DRG1: variants seen among roughly 807,000 people sequenced by gnomAD.
DRG1 encodes developmentally regulated GTP binding protein 1.
DRG1 carries 19 observed loss-of-function variants against 38.8 expected under a neutral mutation model. The observed-to-expected ratio is 0.49, with a 90% CI of 0.34 to 0.72. The LOEUF (loss-of-function observed/expected upper bound fraction) is 0.72. Among genes scored for constraint, DRG1 ranks in the 30% least tolerant of loss-of-function variants. DRG1 has a pLI of 0.01. For missense variants in DRG1, 299 were observed against 444.8 expected (o/e 0.67, Z 2.95); for synonymous variants, 167 against 157.5 (o/e 1.06, Z -0.45).
At chr22:31,401,817 GC>G (rs1445590342) in intron 2 of DRG1, among the ~76,000 whole-genome samples, 1 of 152,014 alleles carries the variant, frequency 6.6e-6, no homozygotes, top group Non-Finnish European at 1.5e-5. Context: ...ACTTCGGGAG[GC>G]CGAAGTGGGC....
intron 8 of DRG1, among the ~76,000 whole-genome samples, chr22:31,430,501 G>A (rs2050132931): frequency 1.3e-5 from 2 of 151,346 alleles, no homozygotes; most frequent in South Asian, 2.1e-4. Flanking sequence ...CCGGGTTCAC[G>A]CCATTCTCCT....
At chr22:31,432,961 A>G (rs1419991941) in intron 8 of DRG1, among the ~76,000 whole-genome samples, 1 of 151,844 alleles carries the variant, frequency 6.6e-6, no homozygotes, top group Admixed American at 6.6e-5. Flanking sequence ...TCTGTGAGGC[A>G]GGTCTCGGTG....
rs200183486 is a variant in DRG1 at position 31,426,793 on chromosome 22, G to C, written c.881+11G>C. 1.9e-5 allele frequency: 31 copies of C among 1,613,110 alleles called. No homozygotes were observed. Among genetic ancestry groups the C allele is most frequent in the Non-Finnish European group, 2.5e-5 (30 of 1,179,596 alleles). ...GAAACTAGTGAGAATGTAAGTCTTT[G>C]TGGATAGGGTAATGTTGCTATAGGA... On this transcript the variant is annotated intron_variant, in intron 7 of 8. Coordinates refer to ENST00000331457, the MANE Select transcript of DRG1 (RefSeq NM_004147.4).
chr22:31,403,462 G>C (rs9609277), intron 3 of DRG1, among the ~76,000 whole-genome samples: 34,445 of 151,848 alleles, frequency 0.23, 5,011 homozygotes, highest in East Asian at 0.46. Context: ...GAGGTCGGGA[G>C]TTCGAGACCA....
intron 8 of DRG1, among the ~76,000 whole-genome samples, chr22:31,433,328 C>T (rs1259111947): frequency 7.0e-6 from 1 of 142,674 alleles, no homozygotes; most frequent in African/African-American, 2.6e-5. Context: ...TGGAGTGCAA[C>T]GGCATGATCT....
At position 31,420,244 on chromosome 22, in the gene DRG1, C is replaced by G. The variant is rs1185344042; in HGVS notation, c.413-12C>G. The G allele has an allele frequency of 5.6e-6, 9 of 1,605,212 alleles. No homozygotes were observed. The highest frequency in any genetic ancestry group is 7.7e-6 in the Non-Finnish European group (9 of 1,175,980). On this transcript the variant is annotated splice_polypyrimidine_tract_variant and intron_variant, in intron 4 of 8. Coordinates refer to ENST00000331457, the MANE Select transcript of DRG1 (RefSeq NM_004147.4). ...TGAACTTTCTTGCGTATGTTTTTTT[C>G]TTACTCTTCAGTGGCCCGAACCTGT...
chr22:31,400,997 A>T (rs1388320714), intron 2 of DRG1, among the ~76,000 whole-genome samples: 2 of 151,998 alleles, frequency 1.3e-5, no homozygotes, highest in African/African-American at 4.8e-5. Flanking sequence ...ATGTTCTACT[A>T]AAGTAGATTT....
intron 5 of DRG1, among the ~76,000 whole-genome samples, chr22:31,421,992 G>A (rs1226301676): frequency 6.6e-6 from 1 of 151,918 alleles, no homozygotes; most frequent in Non-Finnish European, 1.5e-5. Flanking sequence ...GCACGCACTT[G>A]TAATCTCAGC....
chr22:31,414,485 T>A (rs1258331663), intron 4 of DRG1, among the ~76,000 whole-genome samples: 1 of 152,132 alleles, frequency 6.6e-6, no homozygotes, highest in Non-Finnish European at 1.5e-5. Flanking sequence ...AAATTCTTGA[T>A]CTCCCATCCT....
At position 31,408,752 on chromosome 22, in the gene DRG1, C is replaced by CAAAA. The variant is rs66474618; in HGVS notation, c.343-2240_343-2237dup. On this transcript the variant is annotated intron_variant, in intron 3 of 8. Coordinates refer to ENST00000331457, the MANE Select transcript of DRG1 (RefSeq NM_004147.4). ...TGGGCGATAGAGCGAGACTCATTCTCAAAAAAAAAAAAAAAAAAAAAAAGA... is the reference window on the plus strand; with the variant it reads ...TGGGCGATAGAGCGAGACTCATTCTCAAAAAAAAAAAAAAAAAAAAAAAAAAAGA... Among the ~76,000 whole-genome samples the CAAAA allele has an allele frequency of 1.3e-4, 15 of 111,468 alleles. 1 individual carries two copies. Among genetic ancestry groups the CAAAA allele is most frequent in the African/African-American group, 4.4e-4 (13 of 29,326 alleles). The allele number at this position is 111,468 out of a possible 152,430, so 73.1% of individuals were successfully genotyped here.
At chr22:31,410,197 C>T (rs1045780134) in intron 3 of DRG1, among the ~76,000 whole-genome samples, 2 of 152,128 alleles carry the variant, frequency 1.3e-5, no homozygotes, top group African/African-American at 4.8e-5. Context: ...TGGCTCATGC[C>T]TGTAATCCCA....
At chr22:31,425,995 A>G (rs1394757270) in intron 6 of DRG1, among the ~76,000 whole-genome samples, 2 of 152,238 alleles carry the variant, frequency 1.3e-5, no homozygotes, top group Non-Finnish European at 2.9e-5. Flanking sequence ...GACACTAGGA[A>G]TATGACATTG....
At chr22:31,410,938 T>A in intron 3 of DRG1, 74 bp from the exon 4 acceptor site, 1 of 1,483,776 alleles carries the variant, frequency 6.7e-7, no homozygotes, top group South Asian at 1.2e-5. Flanking sequence ...AGAAATAAAT[T>A]AATTCTGTTT....
chr22:31,409,170 C>T (rs5997978), intron 3 of DRG1, among the ~76,000 whole-genome samples: 38 of 152,206 alleles, frequency 2.5e-4, no homozygotes, highest in African/African-American at 7.9e-4. Context: ...CTGCAACCTT[C>T]GACTGTCGGG....
At chr22:31,406,291 C>T (rs539297155) in intron 3 of DRG1, among the ~76,000 whole-genome samples, 8 of 152,202 alleles carry the variant, frequency 5.3e-5, no homozygotes, top group Admixed American at 2.6e-4. Flanking sequence ...TGAGCCACTG[C>T]GCTTGGCCAC....
In DRG1 at chr22:31,405,707, G is replaced by C. The variant is rs577237201; in HGVS notation, c.342+2503G>C. 4.0e-5 allele frequency among the ~76,000 whole-genome samples: 6 copies of C among 150,940 alleles called. No individual in the cohort carries two copies. The East Asian group carries it at 9.9e-4, about 25-fold the overall frequency. ...GGGGGGTTTATTTATTTTTTTATTT[G>C]AGACGGAGTCTTACTCTGTTGCCCA... is the stretch of plus-strand genomic sequence containing the variant. On this transcript the variant is annotated intron_variant, in intron 3 of 8. Coordinates refer to ENST00000331457, the MANE Select transcript of DRG1 (RefSeq NM_004147.4).
At chr22:31,416,047 G>A (rs374278452) in intron 4 of DRG1, among the ~76,000 whole-genome samples, 2 of 152,032 alleles carry the variant, frequency 1.3e-5, no homozygotes, top group Non-Finnish European at 2.9e-5. Flanking sequence ...GTCCAGGCAC[G>A]ATGGCTCATG....
intron 5 of DRG1, among the ~76,000 whole-genome samples, chr22:31,421,934 G>A (rs778957871): frequency 6.6e-6 from 1 of 151,706 alleles, no homozygotes; most frequent in Non-Finnish European, 1.5e-5. Context: ...GGCCAACATG[G>A]TGAAACCCTG....
At chr22:31,424,632 G>A (rs2050098019) in intron 6 of DRG1, among the ~76,000 whole-genome samples, 2 of 150,586 alleles carry the variant, frequency 1.3e-5, no homozygotes. Flanking sequence ...CTGAGTAGCT[G>A]GGATTATAGG....
Sources: allele counts gnomAD v4.1 joint callset (sites outside exome capture counted in the v4.1 genomes callset), GRCh38; gene constraint gnomAD v4.1.1; transcripts MANE v1.5; gene names NCBI Gene and HGNC (gene_info 2026-07-23, HGNC 2026-07-21).